The following GRID2 variants were observed in gnomAD, a reference collection of about 807,000 sequenced individuals.
The protein encoded by GRID2 is glutamate receptor ionotropic, delta-2.
GRID2 carries 33 observed loss-of-function variants against 114.8 expected under a neutral mutation model. That is an observed-to-expected ratio of 0.29 (90% CI 0.22 to 0.38). The LOEUF is 0.38. Ranked by LOEUF, GRID2 falls within the 10% of genes least tolerant of loss-of-function variation. GRID2 has a pLI of 1.00. For missense variants in GRID2, 1,184 were observed against 1,257.7 expected, an observed-to-expected ratio of 0.94 and a Z score of 0.89; for synonymous variants, 505 against 449.9, an observed-to-expected ratio of 1.12 and a Z score of -1.55.
intron 2 of GRID2, among the ~76,000 whole-genome samples, chr4:92,824,756 T>C (rs1434978363): frequency 1.3e-5 from 2 of 152,092 alleles, no homozygotes; most frequent in Non-Finnish European, 2.9e-5. Flanking sequence ...AGAATTTGGA[T>C]TGACTAAGAA....
chr4:93,388,230 A>G lies in GRID2; in HGVS notation c.1246-7377A>G, dbSNP rs571534371. Among the ~76,000 whole-genome samples, 3 of 152,286 alleles carry G rather than the reference A, an allele frequency of 2.0e-5. No individual in the cohort carries two copies. In the South Asian group the frequency reaches 6.2e-4, roughly 32 times the overall value. On this transcript the variant is annotated intron_variant, in intron 8 of 15. Coordinates refer to ENST00000282020, the MANE Select transcript of GRID2 (RefSeq NM_001510.4). The stretch of plus-strand genomic sequence containing the variant: ...TGAGGAAAAATTACTTTACTAATTC[A>G]TTAAAGAATTGCAGGTGTCTTAAGA...
At chr4:93,290,169 G>C (rs372720755) in intron 8 of GRID2, among the ~76,000 whole-genome samples, 1 of 152,176 alleles carries the variant, frequency 6.6e-6, no homozygotes, top group Non-Finnish European at 1.5e-5. Flanking sequence ...TCTCTTTACA[G>C]TATGTTAAAA....
chr4:93,587,649 C>T (rs1737683271), intron 13 of GRID2, among the ~76,000 whole-genome samples: 2 of 152,044 alleles, frequency 1.3e-5, no homozygotes, highest in Non-Finnish European at 2.9e-5. Context: ...CTTGTACTTT[C>T]TCTAATATTT....
chr4:92,921,680 A>C (rs764422084), intron 2 of GRID2, among the ~76,000 whole-genome samples: 6 of 152,084 alleles, frequency 3.9e-5, no homozygotes, highest in African/African-American at 7.2e-5. Flanking sequence ...TGAACAGCAA[A>C]TGTTGCTGCC....
At chr4:93,189,074 A>G (rs1740721188) in intron 4 of GRID2, among the ~76,000 whole-genome samples, 2 of 152,128 alleles carry the variant, frequency 1.3e-5, no homozygotes, top group Non-Finnish European at 2.9e-5. Flanking sequence ...TCTAGCACGT[A>G]CCTTCAGATT....
rs147232880 is a variant in GRID2 at position 93,570,647 on chromosome 4, G to A, written c.2193+55236G>A. 5.9e-3 allele frequency among the ~76,000 whole-genome samples: 903 copies of A among 152,160 alleles called. 7 individuals are homozygous for A. The highest frequency in any genetic ancestry group is 0.021 in the African/African-American group (865 of 41,524). ...TATGTACATTTCAGAACATCACTGC[G>A]TACTCTATGAACTCCATGAATATGT... On this transcript the variant is annotated intron_variant, in intron 13 of 15. Transcript: ENST00000282020.
intron 2 of GRID2, among the ~76,000 whole-genome samples, chr4:92,960,405 A>T (rs781302657): frequency 2.8e-4 from 43 of 151,920 alleles, no homozygotes; most frequent in Admixed American, 7.2e-4. Context: ...TTCTTCTTTC[A>T]GTTATATTAG....
intron 2 of GRID2, among the ~76,000 whole-genome samples, chr4:93,006,815 A>G (rs1292689789): frequency 1.3e-5 from 2 of 151,936 alleles, no homozygotes; most frequent in African/African-American, 2.4e-5. Context: ...GGCAATACCT[A>G]TACAAATTTA....
rs371545183 is a variant in GRID2 at position 93,202,725 on chromosome 4, CTTCTG to C, written c.736-4676_736-4672del. Among the ~76,000 whole-genome samples, 742 of 152,108 alleles carry C rather than the reference CTTCTG, an allele frequency of 4.9e-3. 7 individuals carry two copies. The highest frequency in any genetic ancestry group is 0.017 in the African/African-American group (716 of 41,526). On this transcript the variant is annotated intron_variant, in intron 4 of 15. Transcript: ENST00000282020. ...TTGATTTGGGATTTATAATAGTTGT[CTTCTG>C]TTATCTACACAAAGAGCTCAGAAAT...
At chr4:92,585,421 C>T (rs945495597) in intron 1 of GRID2, among the ~76,000 whole-genome samples, 2 of 151,792 alleles carry the variant, frequency 1.3e-5, no homozygotes, top group African/African-American at 4.8e-5. Context: ...AAATAAAGAT[C>T]AGCTATCTTT....
intron 1 of GRID2, among the ~76,000 whole-genome samples, chr4:92,579,940 TAA>T (rs1439696639): frequency 1.7e-4 from 25 of 147,356 alleles, no homozygotes; most frequent in African/African-American, 5.6e-4. Context: ...CATATGTATA[TAA>T]TATATATATT....
chr4:92,663,816 C>G (rs1173471659), intron 2 of GRID2, among the ~76,000 whole-genome samples: 1 of 151,040 alleles, frequency 6.6e-6, no homozygotes, highest in South Asian at 2.1e-4. Context: ...CCTGCAGCAC[C>G]TGGCAACTGG....
chr4:93,471,988 C>T (rs143791150), intron 11 of GRID2, among the ~76,000 whole-genome samples: 1 of 150,470 alleles, frequency 6.6e-6, no homozygotes, highest in Non-Finnish European at 1.5e-5. Context: ...GCTTGAGCCA[C>T]CTTGCCTAGC....
intron 2 of GRID2, among the ~76,000 whole-genome samples, chr4:92,760,804 C>A (rs1737971466): frequency 1.3e-5 from 2 of 152,104 alleles, no homozygotes; most frequent in African/African-American, 4.8e-5. Flanking sequence ...CTGCTATTGG[C>A]AATGGCATGT....
At chr4:93,249,559 GT>G (rs1397745777) in intron 8 of GRID2, among the ~76,000 whole-genome samples, 4 of 151,940 alleles carry the variant, frequency 2.6e-5, no homozygotes, top group Non-Finnish European at 5.9e-5. Flanking sequence ...TTCAGCAGTG[GT>G]TTGTAGTTCT....
intron 14 of GRID2, among the ~76,000 whole-genome samples, chr4:93,755,827 T>C (rs943290392): frequency 1.3e-5 from 2 of 152,220 alleles, no homozygotes; most frequent in African/African-American, 4.8e-5. Context: ...CATCAAGTTA[T>C]CATATGTGAA....
At chr4:92,367,990 T>C (rs1728952008) in intron 1 of GRID2, among the ~76,000 whole-genome samples, 1 of 151,982 alleles carries the variant, frequency 6.6e-6, no homozygotes, top group Non-Finnish European at 1.5e-5. Context: ...TATAATCACA[T>C]GTTGTGAGCT....
chr4:92,666,650 G>GTTTTTTTTT (rs70942922), intron 2 of GRID2, among the ~76,000 whole-genome samples: 733 of 68,524 alleles, frequency 0.011, 45 homozygotes, highest in Middle Eastern at 0.028. Context: ...CTTAAGGGTT[G>GTTTTTTTTT]TTTTTTTTTT....
intron 8 of GRID2, among the ~76,000 whole-genome samples, chr4:93,337,041 A>T (rs962046481): frequency 6.6e-6 from 1 of 152,262 alleles, no homozygotes; most frequent in East Asian, 1.9e-4. Context: ...TTCAGTTTAT[A>T]TTACTAGTAC....
Sources: allele counts gnomAD v4.1 joint callset (sites outside exome capture counted in the v4.1 genomes callset), GRCh38; gene constraint gnomAD v4.1.1; transcripts MANE v1.5; gene names NCBI Gene and HGNC (gene_info 2026-07-23, HGNC 2026-07-21).